GRM8: variants seen among roughly 807,000 people sequenced by gnomAD.
The protein encoded by GRM8 is metabotropic glutamate receptor 8.
In GRM8, 47 loss-of-function variants were observed where a neutral mutation model predicts 87.2. The ratio of observed to expected loss-of-function variants is 0.54; its 90% CI spans 0.43 to 0.69. The LOEUF is 0.69. Ranked by LOEUF, GRM8 falls within the 30% of genes least tolerant of loss-of-function variation. GRM8 has a pLI of 0.00. For synonymous variants in GRM8, 396 were observed against 404.5 expected, an observed-to-expected ratio of 0.98 and a Z score of 0.25; for missense variants, 1,019 against 1,139.2, an observed-to-expected ratio of 0.89 and a Z score of 1.52.
intron 6 of GRM8, among the ~76,000 whole-genome samples, chr7:126,841,096 A>G (rs943953906): frequency 6.6e-6 from 1 of 152,272 alleles, no homozygotes. Flanking sequence ...TATCAGGACC[A>G]GAAAGCCATT....
chr7:126,479,737 GAGATAGAC>G (rs1425044579), intron 9 of GRM8, among the ~76,000 whole-genome samples: 1 of 121,376 alleles, frequency 8.2e-6, no homozygotes, highest in Non-Finnish European at 1.7e-5. Flanking sequence ...AGATGACAGA[GAGATAGAC>G]AGACAGACAG....
chr7:126,784,230 A>C (rs549568339), intron 6 of GRM8, among the ~76,000 whole-genome samples: 72 of 152,260 alleles, frequency 4.7e-4, no homozygotes, highest in African/African-American at 1.6e-3. Context: ...GACCTATTAA[A>C]TCTCTCATTA....
chr7:126,985,336 G>A (rs1811945469), intron 3 of GRM8, among the ~76,000 whole-genome samples: 1 of 151,942 alleles, frequency 6.6e-6, no homozygotes, highest in Admixed American at 6.6e-5. Context: ...AAAGTATCTG[G>A]TTATCATTAA....
intron 7 of GRM8, among the ~76,000 whole-genome samples, chr7:126,708,117 T>C (rs1810730057): frequency 6.6e-6 from 1 of 152,020 alleles, no homozygotes. Context: ...AGATGTTCAA[T>C]AGGTATATGA....
chr7:126,497,652 T>C (rs576163993), intron 9 of GRM8, among the ~76,000 whole-genome samples: 1 of 152,140 alleles, frequency 6.6e-6, no homozygotes, highest in Non-Finnish European at 1.5e-5. Flanking sequence ...AAAATTATTC[T>C]AGATGGAATG....
chr7:126,977,520 T>C lies in GRM8; in HGVS notation c.728-72837A>G, dbSNP rs28951979. On this transcript the variant is annotated intron_variant, in intron 3 of 10. Transcript: ENST00000339582. ...CATCAAATGCCCTTTCCTTCTTTGA[T>C]ATAATTCCTAAGATTACAGAAATTG... 5.3e-5 allele frequency among the ~76,000 whole-genome samples: 8 copies of C among 152,358 alleles called. No homozygotes were observed. In the East Asian group the frequency reaches 1.3e-3, roughly 26 times the overall value.
chr7:126,750,245 T>C (rs1417591436), intron 7 of GRM8, among the ~76,000 whole-genome samples: 1 of 152,098 alleles, frequency 6.6e-6, no homozygotes, highest in Non-Finnish European at 1.5e-5. Flanking sequence ...TATAACTCCA[T>C]TCATATTACC....
chr7:126,977,495 C>T (rs1811115232), intron 3 of GRM8, among the ~76,000 whole-genome samples: 1 of 152,202 alleles, frequency 6.6e-6, no homozygotes, highest in East Asian at 1.9e-4. Flanking sequence ...AAATAAGAAT[C>T]ATCAAATGCC....
intron 6 of GRM8, among the ~76,000 whole-genome samples, chr7:126,806,186 G>C (rs183223015): frequency 3.3e-5 from 5 of 152,100 alleles, no homozygotes. Flanking sequence ...TATTCCTTCC[G>C]GTGGGTTCGT....
intron 3 of GRM8, among the ~76,000 whole-genome samples, chr7:126,927,211 C>A (rs558981500): frequency 9.7e-4 from 147 of 152,326 alleles, no homozygotes; most frequent in Non-Finnish European, 1.8e-3. Context: ...TCACAGCTCA[C>A]TGTAATCTCA....
intron 9 of GRM8, among the ~76,000 whole-genome samples, chr7:126,474,237 T>C (rs1462376799): frequency 6.6e-6 from 1 of 150,700 alleles, no homozygotes; most frequent in Non-Finnish European, 1.5e-5. Context: ...CACACATTCA[T>C]ATATGTTTGT....
intron 7 of GRM8, among the ~76,000 whole-genome samples, chr7:126,757,020 A>G (rs537976535): frequency 2.1e-4 from 32 of 152,312 alleles, no homozygotes; most frequent in African/African-American, 7.7e-4. Context: ...AAACCTCATT[A>G]ATAGATATTA....
intron 3 of GRM8, among the ~76,000 whole-genome samples, chr7:126,988,758 T>C (rs779940374): frequency 3.2e-4 from 49 of 152,240 alleles, no homozygotes; most frequent in Non-Finnish European, 4.3e-4. Context: ...ATACAAACTA[T>C]ATACATGCAA....
At chr7:126,907,297 AGAGGGAGGAG>A (rs1197809352) in intron 3 of GRM8, among the ~76,000 whole-genome samples, 1 of 143,506 alleles carries the variant, frequency 7.0e-6, no homozygotes, top group Non-Finnish European at 1.5e-5. Flanking sequence ...GGGAGGAGGA[AGAGGGAGGAG>A]GAGGAAGAGG....
intron 3 of GRM8, among the ~76,000 whole-genome samples, chr7:127,081,438 T>G (rs1006400162): frequency 2.6e-5 from 4 of 152,238 alleles, no homozygotes; most frequent in Non-Finnish European, 5.9e-5. Context: ...ATTAGTAACC[T>G]TACTTTACCT....
intron 3 of GRM8, among the ~76,000 whole-genome samples, chr7:126,948,268 A>G (rs1807761075): frequency 6.6e-6 from 1 of 151,994 alleles, no homozygotes; most frequent in African/African-American, 2.4e-5. Flanking sequence ...GGAATTTTTC[A>G]TGGAGGAGGA....
chr7:126,773,983 G>A (rs1422904961), intron 6 of GRM8, among the ~76,000 whole-genome samples: 1 of 152,028 alleles, frequency 6.6e-6, no homozygotes, highest in Non-Finnish European at 1.5e-5. Flanking sequence ...TATTTTGACT[G>A]TTGATTAAAC....
intron 6 of GRM8, among the ~76,000 whole-genome samples, chr7:126,886,122 G>C (rs1012781009): frequency 1.3e-5 from 2 of 152,048 alleles, no homozygotes; most frequent in African/African-American, 4.8e-5. Flanking sequence ...AAACAAAGCA[G>C]GTGTTAAAAC....
At chr7:126,564,944 T>C (rs898591787) in intron 8 of GRM8, among the ~76,000 whole-genome samples, 1 of 152,120 alleles carries the variant, frequency 6.6e-6, no homozygotes, top group Non-Finnish European at 1.5e-5. Context: ...TAATCATTAA[T>C]AAAGGATAAA....
Sources: allele counts gnomAD v4.1 joint callset (sites outside exome capture counted in the v4.1 genomes callset), GRCh38; gene constraint gnomAD v4.1.1; transcripts MANE v1.5; gene names NCBI Gene and HGNC (gene_info 2026-07-23, HGNC 2026-07-21).